Variants in PRELID2 observed in about 807,000 individuals in gnomAD.
The protein encoded by PRELID2 is PRELI domain containing 2.
Under a neutral mutation model 28.4 loss-of-function variants are expected in PRELID2, and 25 were observed. The ratio of observed to expected loss-of-function variants is 0.88; its 90% CI spans 0.64 to 1.23. The LOEUF (loss-of-function observed/expected upper bound fraction) is 1.23. PRELID2 is among the 50% of genes most tolerant of loss of function. The pLI, the probability that PRELID2 is intolerant of heterozygous loss-of-function variation, is 0.00. For synonymous variants in PRELID2, 76 were observed against 71.6 expected (o/e 1.06, Z -0.31); for missense variants, 201 against 214.4 (o/e 0.94, Z 0.39).
At chr5:145,362,855 G>T in the PRELID2 span, among the ~76,000 whole-genome samples, 1 of 152,024 alleles carries the variant, frequency 6.6e-6, no homozygotes, top group South Asian at 2.1e-4. Flanking sequence ...TACAGACAGT[G>T]CTTGATGGCT....
chr5:145,337,063 G>C, the PRELID2 span, among the ~76,000 whole-genome samples: 4 of 151,498 alleles, frequency 2.6e-5, no homozygotes, highest in Non-Finnish European at 4.4e-5. Context: ...GTATACATAT[G>C]TAACTAACCT....
At chr5:145,582,364 G>C (rs746072113) in intron 1 of PRELID2, among the ~76,000 whole-genome samples, 1 of 152,036 alleles carries the variant, frequency 6.6e-6, no homozygotes, top group Non-Finnish European at 1.5e-5. Context: ...GAGAGACAGA[G>C]AGCAAACAGG....
the PRELID2 span, among the ~76,000 whole-genome samples, chr5:145,443,704 A>G: frequency 1.3e-5 from 2 of 152,032 alleles, no homozygotes; most frequent in Non-Finnish European, 2.9e-5. Flanking sequence ...CCCTCCTTTG[A>G]GCTCTCAAAA....
chr5:145,438,584 T>G, the PRELID2 span, among the ~76,000 whole-genome samples: 1 of 152,152 alleles, frequency 6.6e-6, no homozygotes, highest in African/African-American at 2.4e-5. Flanking sequence ...TGATAATTCT[T>G]AAGTTAGATG....
At chr5:145,494,107 C>T (rs935865066) in intron 1 of PRELID2, among the ~76,000 whole-genome samples, 2 of 152,152 alleles carry the variant, frequency 1.3e-5, no homozygotes, top group South Asian at 2.1e-4. Context: ...CTCAGGGTCT[C>T]TTATTTTACA....
chr5:145,416,825 A>C, the PRELID2 span, among the ~76,000 whole-genome samples: 3 of 152,072 alleles, frequency 2.0e-5, no homozygotes, highest in Non-Finnish European at 4.4e-5. Context: ...AGATATGAAA[A>C]ATCCTTCAAG....
At chr5:145,253,247 G>C in the PRELID2 span, among the ~76,000 whole-genome samples, 23 of 152,284 alleles carry the variant, frequency 1.5e-4, no homozygotes, top group Non-Finnish European at 2.9e-5. Flanking sequence ...TATTGAGGTA[G>C]AACCTGTGGT....
At chr5:145,378,680 T>A in the PRELID2 span, among the ~76,000 whole-genome samples, 1 of 152,194 alleles carries the variant, frequency 6.6e-6, no homozygotes, top group African/African-American at 2.4e-5. Context: ...GTCAGTCAGT[T>A]TCTGCATTGT....
chr5:145,412,120 A>T, the PRELID2 span, among the ~76,000 whole-genome samples: 1 of 152,088 alleles, frequency 6.6e-6, no homozygotes, highest in African/African-American at 2.4e-5. Context: ...CACGCCCTGG[A>T]GACATTTTCC....
the PRELID2 span, among the ~76,000 whole-genome samples, chr5:145,370,806 G>A: frequency 6.6e-6 from 1 of 152,032 alleles, no homozygotes. Context: ...GCAGTGGTTT[G>A]TAGTTCTCCT....
At chr5:145,489,455 T>G (rs1752248795) in intron 1 of PRELID2, among the ~76,000 whole-genome samples, 1 of 152,196 alleles carries the variant, frequency 6.6e-6, no homozygotes, top group Admixed American at 6.5e-5. Context: ...ACTTAAATAG[T>G]TGGGTACTAA....
chr5:145,348,037 A>G, the PRELID2 span, among the ~76,000 whole-genome samples: 17 of 152,172 alleles, frequency 1.1e-4, no homozygotes, highest in Non-Finnish European at 1.9e-4. Context: ...CTTCTAAAGA[A>G]CAAGGTCTTA....
chr5:145,768,182 G>A (rs1324152180), intron 5 of PRELID2, among the ~76,000 whole-genome samples: 2 of 132,816 alleles, frequency 1.5e-5, no homozygotes, highest in Admixed American at 1.8e-4. Context: ...CCAAGAGCAC[G>A]CCACTGCATT....
At chr5:145,394,657 C>CT in the PRELID2 span, among the ~76,000 whole-genome samples, 3 of 152,100 alleles carry the variant, frequency 2.0e-5, no homozygotes, top group Admixed American at 6.6e-5. Flanking sequence ...GGAATGGAGC[C>CT]TTGATCATCT....
chr5:145,523,867 TA>T (rs2126653303), intron 1 of PRELID2, among the ~76,000 whole-genome samples: 1 of 152,264 alleles, frequency 6.6e-6, no homozygotes, highest in East Asian at 1.9e-4. Flanking sequence ...TTATTATAAA[TA>T]ATGTAGCAAC....
the PRELID2 span, among the ~76,000 whole-genome samples, chr5:145,317,845 G>C: frequency 1.3e-5 from 2 of 152,124 alleles, no homozygotes; most frequent in African/African-American, 4.8e-5. Context: ...ACCTCACTGT[G>C]AACTGTTTGA....
At chr5:145,684,683 T>A (rs1228927509) in intron 1 of PRELID2, among the ~76,000 whole-genome samples, 1 of 152,168 alleles carries the variant, frequency 6.6e-6, no homozygotes, top group Non-Finnish European at 1.5e-5. Flanking sequence ...CTTAAATCCA[T>A]CCCACTTAAA....
chr5:145,419,650 G>C, the PRELID2 span, among the ~76,000 whole-genome samples: 1 of 151,816 alleles, frequency 6.6e-6, no homozygotes, highest in East Asian at 1.9e-4. Context: ...AGATGAGTAG[G>C]TTGCGAAAAT....
At chr5:145,379,955 C>T in the PRELID2 span, among the ~76,000 whole-genome samples, 2 of 152,152 alleles carry the variant, frequency 1.3e-5, no homozygotes, top group African/African-American at 4.8e-5. Context: ...GGCAAGACTA[C>T]CCTACAGAGT....
Sources: allele counts gnomAD v4.1 joint callset (sites outside exome capture counted in the v4.1 genomes callset), GRCh38; gene constraint gnomAD v4.1.1; transcripts MANE v1.5; gene names NCBI Gene and HGNC (gene_info 2026-07-23, HGNC 2026-07-21).